Variants in PCDH15 observed in about 807,000 individuals in gnomAD.
PCDH15 encodes the protein protocadherin related 15, also known as protocadherin-15.
A neutral mutation model predicts 178.5 loss-of-function variants in PCDH15; 129 were observed. That is an observed-to-expected ratio of 0.72 (90% CI 0.63 to 0.84). PCDH15 has a LOEUF of 0.84. Among genes scored for constraint, PCDH15 ranks in the 40% least tolerant of loss-of-function variants. The probability of loss-of-function intolerance (pLI) is 0.00; values close to 1 mark genes in which losing one functional copy is unlikely to be tolerated. For missense variants in PCDH15, 2,230 were observed against 2,099.9 expected (o/e 1.06, Z -1.21); for synonymous variants, 800 against 732.0 (o/e 1.09, Z -1.50).
chr10:55,603,028 C>G (rs1265047167), intron 2 of PCDH15, among the ~76,000 whole-genome samples: 1 of 151,894 alleles, frequency 6.6e-6, no homozygotes, highest in East Asian at 1.9e-4. Context: ...ATAACCAATA[C>G]AGAGAAGTGC....
chr10:55,620,794 T>G (rs1843576395), intron 2 of PCDH15, among the ~76,000 whole-genome samples: 1 of 151,396 alleles, frequency 6.6e-6, no homozygotes, highest in Admixed American at 6.6e-5. Context: ...TTATATTAAG[T>G]TTTAAGAACT....
intron 2 of PCDH15, among the ~76,000 whole-genome samples, chr10:54,975,280 T>C (rs750567103): frequency 3.3e-5 from 5 of 152,196 alleles, no homozygotes; most frequent in Non-Finnish European, 7.4e-5. Context: ...GATACCTGTG[T>C]GATCTTTCAC....
intron 6 of PCDH15, among the ~76,000 whole-genome samples, chr10:54,340,952 C>T (rs1165136957): frequency 5.3e-5 from 8 of 152,112 alleles, no homozygotes; most frequent in Non-Finnish European, 7.4e-5. Flanking sequence ...TGCCTCTTAA[C>T]GTGCATGCTT....
rs368006515 is a variant in PCDH15, at chr10:53,882,403, C to T, written c.3502-15546G>A. Reference sequence around the variant, plus strand: ...CTTTCTCTCTCAAATGTCTTTTTCTCATTCCTTTGACTCTGCTGGACTTCG... The same window carrying T: ...CTTTCTCTCTCAAATGTCTTTTTCTTATTCCTTTGACTCTGCTGGACTTCG... On this transcript the variant is annotated intron_variant, in intron 26 of 37. Transcript: ENST00000644397. 1.3e-3 allele frequency among the ~76,000 whole-genome samples: 201 copies of T among 152,316 alleles called. 4 individuals carry two copies. In the South Asian group the frequency reaches 0.04, roughly 30 times the overall value.
At chr10:54,815,931 T>G (rs1415869141) in intron 3 of PCDH15, among the ~76,000 whole-genome samples, 1 of 152,132 alleles carries the variant, frequency 6.6e-6, no homozygotes, top group Non-Finnish European at 1.5e-5. Flanking sequence ...ACATATAACA[T>G]GCAAAGTATG....
At chr10:55,486,852 C>T (rs554842305) in intron 2 of PCDH15, among the ~76,000 whole-genome samples, 1 of 151,526 alleles carries the variant, frequency 6.6e-6, no homozygotes, top group South Asian at 2.1e-4. Flanking sequence ...AAACAGAGGC[C>T]TCTTCTCACT....
chr10:54,539,715 A>T (rs1330803899), intron 2 of PCDH15, among the ~76,000 whole-genome samples: 1 of 152,186 alleles, frequency 6.6e-6, no homozygotes, highest in Non-Finnish European at 1.5e-5. Flanking sequence ...TCTAAGATCA[A>T]CCACATGGTT....
chr10:54,119,534 AG>A (rs1351046459), intron 15 of PCDH15, among the ~76,000 whole-genome samples: 4 of 152,100 alleles, frequency 2.6e-5, no homozygotes, highest in African/African-American at 9.7e-5. Flanking sequence ...GGCATTTCTG[AG>A]AGAGAAAGAG....
At chr10:55,407,880 T>A (rs1838236283) in intron 2 of PCDH15, among the ~76,000 whole-genome samples, 1 of 152,186 alleles carries the variant, frequency 6.6e-6, no homozygotes, top group South Asian at 2.1e-4. Flanking sequence ...ACAAGGCCTT[T>A]TGACCAAAGG....
In PCDH15 at chr10:54,513,951, T is replaced by C. The variant is rs910999746; in HGVS notation, c.157+13861A>G. 3.3e-5 allele frequency among the ~76,000 whole-genome samples: 5 copies of C among 152,340 alleles called. No individual in the cohort carries two copies. The South Asian group carries it at 1.0e-3, about 32-fold the overall frequency. On this transcript the variant is annotated intron_variant, in intron 3 of 37. Transcript: ENST00000644397. ...CTGACAGTTGTTTGCAGAAAAATATTAGCCACAGGCTTGCATGTTTACCTT... is the reference window on the plus strand; with the variant it reads ...CTGACAGTTGTTTGCAGAAAAATATCAGCCACAGGCTTGCATGTTTACCTT...
At chr10:54,325,208 G>T (rs1418032888) in intron 7 of PCDH15, among the ~76,000 whole-genome samples, 2 of 151,938 alleles carry the variant, frequency 1.3e-5, no homozygotes, top group African/African-American at 2.4e-5. Flanking sequence ...CGGATAAAAA[G>T]AAACCTCCAA....
intron 14 of PCDH15, among the ~76,000 whole-genome samples, chr10:54,133,782 A>T (rs986560630): frequency 6.6e-6 from 1 of 152,140 alleles, no homozygotes; most frequent in Non-Finnish European, 1.5e-5. Context: ...TGGAAACATT[A>T]GCTGAAATAT....
intron 6 of PCDH15, among the ~76,000 whole-genome samples, chr10:54,344,070 A>G (rs1413650062): frequency 6.6e-6 from 1 of 152,144 alleles, no homozygotes; most frequent in African/African-American, 2.4e-5. Flanking sequence ...CAGGTCTTAC[A>G]AGAGAAGAAA....
At chr10:55,126,340 C>A (rs1308782617) in intron 2 of PCDH15, among the ~76,000 whole-genome samples, 2 of 152,102 alleles carry the variant, frequency 1.3e-5, no homozygotes, top group African/African-American at 4.8e-5. Flanking sequence ...TGTCCAAAAT[C>A]TGATTCTTCA....
intron 2 of PCDH15, chr10:54,606,180 T>C (rs1269783483): frequency 6.6e-6 from 1 of 152,080 alleles, no homozygotes; most frequent in Admixed American, 6.6e-5. Context: ...CTGGGCTTTG[T>C]TGTTGTAGCT....
At chr10:54,289,248 A>C (rs760938371) in intron 8 of PCDH15, among the ~76,000 whole-genome samples, 4 of 152,220 alleles carry the variant, frequency 2.6e-5, no homozygotes, top group Non-Finnish European at 4.4e-5. Context: ...GTGGAACTCC[A>C]GCAAACTCCA....
At chr10:55,213,554 T>G (rs1250747588) in intron 1 of PCDH15, among the ~76,000 whole-genome samples, 2 of 151,880 alleles carry the variant, frequency 1.3e-5, no homozygotes, top group Non-Finnish European at 2.9e-5. Context: ...TACATTTGTG[T>G]TTTTTAGTGT....
intron 1 of PCDH15, among the ~76,000 whole-genome samples, chr10:55,253,498 C>A (rs1333894835): frequency 6.6e-6 from 1 of 151,924 alleles, no homozygotes; most frequent in Non-Finnish European, 1.5e-5. Flanking sequence ...CATAGTTTAA[C>A]TTTTTAAAGC....
chr10:53,999,058 A>G (rs796535241), intron 20 of PCDH15, among the ~76,000 whole-genome samples: 4 of 151,644 alleles, frequency 2.6e-5, no homozygotes, highest in South Asian at 2.1e-4. Flanking sequence ...GTCTCAAAAA[A>G]AAAAAAAAAA....
Sources: allele counts gnomAD v4.1 joint callset (sites outside exome capture counted in the v4.1 genomes callset), GRCh38; gene constraint gnomAD v4.1.1; transcripts MANE v1.5; gene names NCBI Gene and HGNC (gene_info 2026-07-23, HGNC 2026-07-21).